Variants in ADAMTS2 observed in about 807,000 individuals in gnomAD.
The protein encoded by ADAMTS2 is A disintegrin and metalloproteinase with thrombospondin motifs 2.
In ADAMTS2, 50 loss-of-function variants were observed where a neutral mutation model predicts 123.0. The ratio of observed to expected loss-of-function variants is 0.41; its 90% CI spans 0.32 to 0.51. The LOEUF (loss-of-function observed/expected upper bound fraction) is 0.51. Among genes scored for constraint, ADAMTS2 ranks in the 20% least tolerant of loss-of-function variants. The pLI is 0.35. For synonymous variants in ADAMTS2, 678 were observed against 695.4 expected (o/e 0.98, Z 0.39); for missense variants, 1,494 against 1,705.2 (o/e 0.88, Z 2.18).
chr5:179,334,935 A>G (rs1757574751), intron 2 of ADAMTS2, among the ~76,000 whole-genome samples: 1 of 152,248 alleles, frequency 6.6e-6, no homozygotes, highest in Non-Finnish European at 1.5e-5. Context: ...GAATGAAATA[A>G]GCTGAAAAAA....
chr5:179,212,722 A>G (rs1581194589), intron 3 of ADAMTS2, among the ~76,000 whole-genome samples: 1 of 70,586 alleles, frequency 1.4e-5, no homozygotes, highest in African/African-American at 6.0e-5. Context: ...GTGGGCCCTG[A>G]GGGCGGGTGC....
intron 4 of ADAMTS2, among the ~76,000 whole-genome samples, chr5:179,190,449 G>A (rs181917965): frequency 2.6e-3 from 373 of 142,344 alleles, no homozygotes; most frequent in Admixed American, 4.2e-3. Flanking sequence ...CACAGCGTCC[G>A]AATAAAAGGA....
Position 179,162,579 on chromosome 5 carries a change from A to G in ADAMTS2, c.976-3700T>C, listed in dbSNP as rs1160701873. Reference sequence around the variant, plus strand: ...CGTATGGGCCCCTCCTGGGGCCGTCACCCATGTCAGCTTTACCCCACACGG... The same window carrying G: ...CGTATGGGCCCCTCCTGGGGCCGTCGCCCATGTCAGCTTTACCCCACACGG... On this transcript the variant is annotated intron_variant, in intron 5 of 21. Coordinates refer to ENST00000251582, the MANE Select transcript of ADAMTS2 (RefSeq NM_014244.5). The surrounding 1 kb of genome is among the most constrained non-coding windows in gnomAD (Gnocchi z 5.1). 6.6e-6 allele frequency among the ~76,000 whole-genome samples: 1 copy of G among 152,112 alleles called. No homozygotes were observed. Among genetic ancestry groups the G allele is most frequent in the Non-Finnish European group, 1.5e-5 (1 of 68,012 alleles).
chr5:179,163,861 G>T (rs752027312), intron 5 of ADAMTS2, among the ~76,000 whole-genome samples: 2 of 152,178 alleles, frequency 1.3e-5, no homozygotes, highest in East Asian at 3.9e-4. Flanking sequence ...AGCTAAAGGG[G>T]TCTATGACCC....
chr5:179,133,665 C>T (rs1035345236), intron 13 of ADAMTS2, among the ~76,000 whole-genome samples: 3 of 151,946 alleles, frequency 2.0e-5, no homozygotes, highest in African/African-American at 7.3e-5. Flanking sequence ...TCTAATTATG[C>T]AAAATTGAGC....
intron 2 of ADAMTS2, among the ~76,000 whole-genome samples, chr5:179,279,510 G>A (rs534307850): frequency 1.3e-5 from 2 of 152,342 alleles, no homozygotes; most frequent in East Asian, 1.9e-4. Flanking sequence ...CCCCTGCTGT[G>A]ACAGCTGCCT....
intron 4 of ADAMTS2, among the ~76,000 whole-genome samples, chr5:179,193,563 C>T (rs553790513): frequency 2.6e-5 from 4 of 152,176 alleles, no homozygotes; most frequent in South Asian, 2.1e-4. Context: ...GTCATAGAAG[C>T]GAAGGCATAA....
At chr5:179,192,873 G>T (rs1447251269) in intron 4 of ADAMTS2, among the ~76,000 whole-genome samples, 1 of 152,192 alleles carries the variant, frequency 6.6e-6, no homozygotes, top group Non-Finnish European at 1.5e-5. Context: ...GGCAGGGACT[G>T]TTCTGCATTC....
intron 2 of ADAMTS2, among the ~76,000 whole-genome samples, chr5:179,319,854 T>A (rs1458935652): frequency 6.6e-6 from 1 of 151,932 alleles, no homozygotes; most frequent in African/African-American, 2.4e-5. Flanking sequence ...CAAACCCAGG[T>A]CCCCACTGGT....
At chr5:179,216,368 G>A (rs556753194) in intron 3 of ADAMTS2, among the ~76,000 whole-genome samples, 3 of 152,210 alleles carry the variant, frequency 2.0e-5, no homozygotes, top group Non-Finnish European at 4.4e-5. Flanking sequence ...GCCGATGAGG[G>A]GCGCTCCCCT....
At chr5:179,325,907 G>A (rs967064534) in intron 2 of ADAMTS2, among the ~76,000 whole-genome samples, 1 of 152,254 alleles carries the variant, frequency 6.6e-6, no homozygotes, top group African/African-American at 2.4e-5. Flanking sequence ...TGGGAGGACA[G>A]GAGCGAGGCC....
chr5:179,161,095 TA>T (rs1284812926), intron 5 of ADAMTS2, among the ~76,000 whole-genome samples: 1 of 152,194 alleles, frequency 6.6e-6, no homozygotes. Flanking sequence ...TTCTGTAGCA[TA>T]ACCTCACCTA....
At chr5:179,134,734 TCCAGCTCCAGCTC>T (rs1763022380) in intron 13 of ADAMTS2, among the ~76,000 whole-genome samples, 1 of 127,216 alleles carries the variant, frequency 7.9e-6, no homozygotes, top group Non-Finnish European at 1.7e-5. Flanking sequence ...CGGCTCCAGC[TCCAGCTCCAGCTC>T]CCGGCTCCAG....
At chr5:179,290,702 TC>T (rs2113542971) in intron 2 of ADAMTS2, among the ~76,000 whole-genome samples, 1 of 152,226 alleles carries the variant, frequency 6.6e-6, no homozygotes, top group East Asian at 1.9e-4. Flanking sequence ...CCAGCCTCCC[TC>T]AGTGCTCTCT....
Position 179,175,992 on chromosome 5 carries a change from C to T in ADAMTS2, c.975+5080G>A, listed in dbSNP as rs1415408280. On this transcript the variant is annotated intron_variant, in intron 5 of 21. Coordinates refer to ENST00000251582, the MANE Select transcript of ADAMTS2 (RefSeq NM_014244.5). This position sits in a 1 kb window ranked among gnomAD's most constrained non-coding sequence, Gnocchi z 4.1. ...ACCATGCACAGCTCCACAGGAAAGTCTCCGGGAAATTTCACCCCCAGGAAT... is the reference window on the plus strand; with the variant it reads ...ACCATGCACAGCTCCACAGGAAAGTTTCCGGGAAATTTCACCCCCAGGAAT... Among the ~76,000 whole-genome samples the T allele has an allele frequency of 6.6e-6, 1 of 152,054 alleles. No homozygotes were observed. The highest frequency in any genetic ancestry group is 1.5e-5 in the Non-Finnish European group (1 of 68,020).
At chr5:179,151,796 A>G (rs1338929750) in intron 10 of ADAMTS2, among the ~76,000 whole-genome samples, 1 of 151,952 alleles carries the variant, frequency 6.6e-6, no homozygotes, top group Non-Finnish European at 1.5e-5. Flanking sequence ...GGGCCCGAGG[A>G]CTCCAATGCT....
rs766994869 is a variant in ADAMTS2 at position 179,125,973 on chromosome 5, G to A, written c.2750+25C>T. The A allele has an allele frequency of 1.9e-6, 3 of 1,613,026 alleles. No individual in the cohort carries two copies. In the South Asian group the frequency reaches 3.3e-5, roughly 18 times the overall value. On this transcript the variant is annotated intron_variant, in intron 18 of 21. Transcript: ENST00000251582. ...TGGCCCCTGGCCTGTCTCCTCTAGT[G>A]GGAGCCCGAGCTGGGGGCACTCACA...
At chr5:179,186,393 A>G (rs1437656180) in intron 4 of ADAMTS2, among the ~76,000 whole-genome samples, 2 of 152,174 alleles carry the variant, frequency 1.3e-5, no homozygotes, top group African/African-American at 4.8e-5. Flanking sequence ...AGGAACAGAC[A>G]TGGGGGGCAG....
At position 179,343,815 on chromosome 5, in the gene ADAMTS2, G is replaced by T; in HGVS notation, c.486C>A (p.Ala162=). 1 of 1,610,844 alleles carries T rather than the reference G, an allele frequency of 6.2e-7. No individual in the cohort carries two copies. Residue 162 remains alanine (A), a synonymous_variant, in exon 2 of 22, where the codon GCC becomes GCA. Coordinates refer to ENST00000251582, the MANE Select transcript of ADAMTS2 (RefSeq NM_014244.5). The part of the protein sequence containing the change: ...LGSCLYVGDV[A]GLAEASSVAL... ...CCACAGAGGAGGCTTCGGCTAGGCC[G>T]GCCACGTCTCCGACGTAGAGACAGC...
Sources: gnomAD v4.1 joint callset for allele counts (sites outside exome capture counted in the v4.1 genomes callset) on GRCh38, gnomAD v4.1.1 for gene constraint, Gnocchi (gnomAD v3.1) non-coding constraint, MANE v1.5 for transcripts, NCBI Gene and HGNC (gene_info 2026-07-23, HGNC 2026-07-21) for gene names.